HCN1: variants seen among roughly 807,000 people sequenced by gnomAD.
HCN1 encodes the protein hyperpolarization activated cyclic nucleotide gated potassium channel 1.
In HCN1, 13 loss-of-function variants were observed where a neutral mutation model predicts 78.9. That is an observed-to-expected ratio of 0.16 (90% confidence interval 0.11 to 0.26). The LOEUF is 0.26. Among genes scored for constraint, HCN1 ranks in the 10% least tolerant of loss-of-function variants. The probability of loss-of-function intolerance (pLI) is 1.00; values close to 1 mark genes in which losing one functional copy is unlikely to be tolerated. For synonymous variants in HCN1, 552 were observed against 455.5 expected (o/e 1.21, Z -2.70); for missense variants, 810 against 1,154.3 (o/e 0.70, Z 4.32).
At chr5:45,318,904 C>T (rs932108238) in intron 5 of HCN1, among the ~76,000 whole-genome samples, 2 of 152,000 alleles carry the variant, frequency 1.3e-5, no homozygotes, top group Non-Finnish European at 2.9e-5. Flanking sequence ...CACTACAGAG[C>T]AGGTCTTCTT....
intron 6 of HCN1, among the ~76,000 whole-genome samples, chr5:45,280,864 A>G (rs886878979): frequency 5.9e-5 from 9 of 152,222 alleles, no homozygotes; most frequent in Non-Finnish European, 2.9e-5. Context: ...CATGAGAGAT[A>G]GCTATTTAAA....
At chr5:45,266,295 C>CT (rs888029968) in intron 7 of HCN1, among the ~76,000 whole-genome samples, 269 of 150,414 alleles carry the variant, frequency 1.8e-3, no homozygotes, top group African/African-American at 4.1e-3. Flanking sequence ...ACTATCAAGG[C>CT]TTTTTTTTTC....
chr5:45,355,943 C>A (rs1370183280), intron 4 of HCN1, among the ~76,000 whole-genome samples: 4 of 151,990 alleles, frequency 2.6e-5, no homozygotes, highest in African/African-American at 9.7e-5. Flanking sequence ...ATACAACACA[C>A]TAAAAACAGG....
At chr5:45,311,787 G>A (rs1248304687) in intron 5 of HCN1, among the ~76,000 whole-genome samples, 3 of 152,188 alleles carry the variant, frequency 2.0e-5, no homozygotes, top group Non-Finnish European at 4.4e-5. Flanking sequence ...GAAAACTTCA[G>A]ACAGAGCAGT....
At chr5:45,347,496 C>T (rs539018953) in intron 5 of HCN1, among the ~76,000 whole-genome samples, 65 of 152,202 alleles carry the variant, frequency 4.3e-4, no homozygotes, top group East Asian at 1.7e-3. Context: ...TCACCAGCAA[C>T]GGAACAAAGC....
At chr5:45,606,696 AAAAT>A (rs1744732944) in intron 2 of HCN1, among the ~76,000 whole-genome samples, 1 of 152,036 alleles carries the variant, frequency 6.6e-6, no homozygotes, top group Non-Finnish European at 1.5e-5. Flanking sequence ...TAAAAAAATG[AAAAT>A]AAATAAACAA....
intron 6 of HCN1, among the ~76,000 whole-genome samples, chr5:45,272,724 A>G (rs528938031): frequency 6.8e-4 from 103 of 152,250 alleles, no homozygotes; most frequent in African/African-American, 2.6e-4. Context: ...AATGTTTATA[A>G]TAAAGAAAAC....
In HCN1 at chr5:45,313,070, C is replaced by T. The variant is rs999487670; in HGVS notation, c.1378-9231G>A. Among the ~76,000 whole-genome samples, 8 of 152,198 alleles carry T rather than the reference C, an allele frequency of 5.3e-5. 1 individual carries two copies. Among genetic ancestry groups the T allele is most frequent in the African/African-American group, 1.9e-4 (8 of 41,458 alleles). On this transcript the variant is annotated intron_variant, in intron 5 of 7. Coordinates refer to ENST00000303230, the MANE Select transcript of HCN1 (RefSeq NM_021072.4). Reference sequence around the variant, plus strand: ...TCTGAGAACAGACAGACTGCCTCCTCAAGTGGGTCCTTGACCCCCAAGTAG... The same window carrying T: ...TCTGAGAACAGACAGACTGCCTCCTTAAGTGGGTCCTTGACCCCCAAGTAG...
chr5:45,436,287 A>G (rs908409626), intron 3 of HCN1, among the ~76,000 whole-genome samples: 1 of 152,174 alleles, frequency 6.6e-6, no homozygotes, highest in Non-Finnish European at 1.5e-5. Flanking sequence ...TACAATGCCA[A>G]TAATGAATTC....
intron 1 of HCN1, among the ~76,000 whole-genome samples, chr5:45,659,925 C>T (rs1034977898): frequency 9.0e-5 from 13 of 144,576 alleles, no homozygotes; most frequent in Admixed American, 7.7e-4. Context: ...CAAGGCAGGC[C>T]AACGTTCAGA....
chr5:45,671,372 TCTG>T (rs927783154), intron 1 of HCN1, among the ~76,000 whole-genome samples: 3 of 151,460 alleles, frequency 2.0e-5, no homozygotes, highest in African/African-American at 7.3e-5. Flanking sequence ...CATTAGATTA[TCTG>T]CTATTATATA....
chr5:45,418,200 A>G (rs1342852469), intron 3 of HCN1, among the ~76,000 whole-genome samples: 1 of 151,914 alleles, frequency 6.6e-6, no homozygotes, highest in African/African-American at 2.4e-5. Context: ...CATATTTAGA[A>G]TGATAAAAGA....
intron 1 of HCN1, among the ~76,000 whole-genome samples, chr5:45,654,860 T>C (rs1745737811): frequency 1.3e-5 from 2 of 152,152 alleles, no homozygotes; most frequent in Non-Finnish European, 2.9e-5. Context: ...TAATTTCAGA[T>C]AGATTTTTCC....
chr5:45,350,505 G>T (rs1048019544), intron 5 of HCN1, among the ~76,000 whole-genome samples: 87 of 151,958 alleles, frequency 5.7e-4, no homozygotes, highest in African/African-American at 2.1e-3. Context: ...ATTCAACATA[G>T]TGTTGGAAGT....
chr5:45,653,075 G>A (rs1483660882), intron 1 of HCN1, among the ~76,000 whole-genome samples: 4 of 151,716 alleles, frequency 2.6e-5, no homozygotes, highest in Admixed American at 1.3e-4. Flanking sequence ...GTCCCAATTC[G>A]GTACCTGGAA....
intron 5 of HCN1, among the ~76,000 whole-genome samples, chr5:45,320,116 C>G: frequency 6.6e-6 from 1 of 151,774 alleles, no homozygotes; most frequent in East Asian, 1.9e-4. Flanking sequence ...CTCCAACACA[C>G]CCTATATTTT....
chr5:45,509,663 T>C (rs1219449360), intron 2 of HCN1, among the ~76,000 whole-genome samples: 1 of 152,128 alleles, frequency 6.6e-6, no homozygotes, highest in East Asian at 1.9e-4. Context: ...ATATTCTAAT[T>C]TGAGAGGAGA....
At chr5:45,275,803 T>C (rs1431619003) in intron 6 of HCN1, among the ~76,000 whole-genome samples, 1 of 152,060 alleles carries the variant, frequency 6.6e-6, no homozygotes. Context: ...AACATAAAAA[T>C]ATCAAAGCTA....
intron 6 of HCN1, among the ~76,000 whole-genome samples, chr5:45,301,689 T>A (rs1404551544): frequency 6.8e-6 from 1 of 147,364 alleles, no homozygotes; most frequent in African/African-American, 2.5e-5. Flanking sequence ...CCAGTGCACT[T>A]CAGCCTAGGT....
Sources: allele counts gnomAD v4.1 joint callset (sites outside exome capture counted in the v4.1 genomes callset), GRCh38; gene constraint gnomAD v4.1.1; transcripts MANE v1.5; gene names NCBI Gene and HGNC (gene_info 2026-07-23, HGNC 2026-07-21).